The following PPP2R1B variants were observed in gnomAD, a reference collection of about 807,000 sequenced individuals.
PPP2R1B encodes the protein serine/threonine-protein phosphatase 2A 65 kDa regulatory subunit A beta isoform.
PPP2R1B carries 58 observed loss-of-function variants against 72.7 expected under a neutral mutation model. The observed-to-expected ratio is 0.80, with a 90% CI of 0.65 to 0.99. The LOEUF is 0.99. PPP2R1B is among the 50% of genes least tolerant of loss of function. The pLI, the probability that PPP2R1B is intolerant of heterozygous loss-of-function variation, is 0.00. For synonymous variants in PPP2R1B, 256 were observed against 264.6 expected, an observed-to-expected ratio of 0.97 and a Z score of 0.32; for missense variants, 695 against 733.6, an observed-to-expected ratio of 0.95 and a Z score of 0.61.
rs1944454604 is a variant in PPP2R1B, at chr11:111,739,644, A to G, written c.*1952T>C. 2.0e-6 allele frequency: 2 copies of G among 985,464 alleles called. No homozygotes were observed. Among genetic ancestry groups the G allele is most frequent in the South Asian group, 9.4e-5 (2 of 21,286 alleles). 61.0% of individuals were successfully genotyped at this position (985,464 alleles called of 1,614,324 possible). ...ATTTTAAAAGTCTGTCCCCAAAACAATGGCATTTCCAACCAGAGTAAAGCA... is the reference window on the plus strand; with the variant it reads ...ATTTTAAAAGTCTGTCCCCAAAACAGTGGCATTTCCAACCAGAGTAAAGCA... On this transcript the variant is annotated 3_prime_UTR_variant, in exon 15 of 15. Coordinates refer to ENST00000527614, the MANE Select transcript of PPP2R1B (RefSeq NM_002716.5).
rs954098068 is a variant in PPP2R1B at position 111,766,150 on chromosome 11, T to A, written c.114+98A>T. 3.4e-6 allele frequency: 4 copies of A among 1,175,762 alleles called. No individual in the cohort carries two copies. The African/African-American group carries it at 6.1e-5, about 18-fold the overall frequency. 72.8% of individuals were successfully genotyped at this position (1,175,762 alleles called of 1,614,324 possible). A position where few individuals can be genotyped will look rare whatever the true frequency, so the allele number is the denominator to read the frequency against. On this transcript the variant is annotated intron_variant, in intron 1 of 14. Coordinates refer to ENST00000527614, the MANE Select transcript of PPP2R1B (RefSeq NM_002716.5). ...AGTTTCTGCTACGAGTCCGACTCAT[T>A]CAGTACCTCGGCCACCCCCACCGCG...
chr11:111,723,789 T>C, downstream of PPP2R1B: 1 of 1,613,986 alleles, frequency 6.2e-7, no homozygotes, highest in Non-Finnish European at 8.5e-7. Flanking sequence ...GCTCCTCCTC[T>C]GCCCACGCAG....
At chr11:111,754,609 C>A in intron 7 of PPP2R1B, 40 bp from the exon 8 acceptor site, 1 of 1,581,398 alleles carries the variant, frequency 6.3e-7, no homozygotes, top group South Asian at 1.2e-5. Flanking sequence ...TTCACAGGGC[C>A]ATTTACAAAG....
chr11:111,716,771 G>A, the PPP2R1B span, among the ~76,000 whole-genome samples: 36,921 of 151,870 alleles, frequency 0.24, 4,690 homozygotes, highest in Middle Eastern at 0.31. Flanking sequence ...GGGTACTGCC[G>A]GGTATTTTGT....
intron 7 of PPP2R1B, 28 bp downstream of exon 7, chr11:111,754,950 CAT>C: frequency 6.5e-7 from 1 of 1,528,992 alleles, no homozygotes; most frequent in Non-Finnish European, 9.0e-7. Context: ...ATGAATGACA[CAT>C]GTTCCAACAT....
At chr11:111,751,748 C>T (rs907816347) in intron 10 of PPP2R1B, among the ~76,000 whole-genome samples, 23 of 152,164 alleles carry the variant, frequency 1.5e-4, no homozygotes, top group Admixed American at 3.9e-4. Flanking sequence ...GAGGCTGAGG[C>T]GGGTGAATCA....
At chr11:111,743,227 G>C in intron 12 of PPP2R1B, 149 bp downstream of exon 12, 1 of 863,270 alleles carries the variant, frequency 1.2e-6, no homozygotes, top group Admixed American at 3.2e-5. Flanking sequence ...TTTTAAAATT[G>C]ACATTTTCTC....
the PPP2R1B span, among the ~76,000 whole-genome samples, chr11:111,696,300 G>T: frequency 1.3e-5 from 2 of 152,178 alleles, no homozygotes; most frequent in Non-Finnish European, 2.9e-5. Flanking sequence ...ATTAATAGTA[G>T]TGAATCAGTG....
intron 11 of PPP2R1B, among the ~76,000 whole-genome samples, chr11:111,745,590 G>T (rs1944679310): frequency 1.3e-5 from 2 of 152,036 alleles, no homozygotes; most frequent in Non-Finnish European, 2.9e-5. Context: ...GTCTATTTCT[G>T]TCTCTTTCTC....
At chr11:111,737,105 G>A (rs570805233), downstream of PPP2R1B, among the ~76,000 whole-genome samples, 1 of 152,220 alleles carries the variant, frequency 6.6e-6, no homozygotes, top group Non-Finnish European at 1.5e-5. Flanking sequence ...TGAGGAAAGT[G>A]GGAACAGCCC....
the PPP2R1B span, among the ~76,000 whole-genome samples, chr11:111,706,786 C>G: frequency 1.3e-5 from 2 of 151,512 alleles, no homozygotes; most frequent in Non-Finnish European, 2.9e-5. Flanking sequence ...ATGGTGAAAC[C>G]CCGTCTCTAC....
chr11:111,723,507 A>G, downstream of PPP2R1B: 4 of 1,601,126 alleles, frequency 2.5e-6, no homozygotes, highest in Admixed American at 1.7e-5. Context: ...CTCCAGCAGA[A>G]GCGACTCTTT....
At chr11:111,766,065 C>A in intron 1 of PPP2R1B, 183 bp downstream of exon 1, 1 of 634,530 alleles carries the variant, frequency 1.6e-6, no homozygotes, top group Non-Finnish European at 2.8e-6. Context: ...AGAGAGGTAC[C>A]CGGGAGGGTC....
the PPP2R1B span, among the ~76,000 whole-genome samples, chr11:111,712,728 A>G: frequency 1.3e-5 from 2 of 152,264 alleles, no homozygotes; most frequent in Admixed American, 6.5e-5. Context: ...GCTGAAAACA[A>G]AAAAATTAAC....
chr11:111,731,403 T>C (rs1944188347), intron 15 of PPP2R1B, among the ~76,000 whole-genome samples: 1 of 152,190 alleles, frequency 6.6e-6, no homozygotes, highest in African/African-American at 2.4e-5. Context: ...GTGCATTCCC[T>C]CACATGGGCG....
At chr11:111,737,379 C>G, downstream of PPP2R1B, 3 of 1,610,122 alleles carry the variant, frequency 1.9e-6, no homozygotes, top group Non-Finnish European at 2.5e-6. Flanking sequence ...CAGCTCCCTG[C>G]ACACCATGCC....
At chr11:111,704,135 A>G in the PPP2R1B span, among the ~76,000 whole-genome samples, 1 of 152,238 alleles carries the variant, frequency 6.6e-6, no homozygotes, top group Non-Finnish European at 1.5e-5. Context: ...CCACGTAGCC[A>G]TAAGTGAAAC....
chr11:111,721,813 A>G, the PPP2R1B span: 2 of 1,581,166 alleles, frequency 1.3e-6, no homozygotes, highest in East Asian at 4.5e-5. Context: ...AATTGTTTCC[A>G]CCCCCTTGCT....
chr11:111,721,623 G>A, the PPP2R1B span, among the ~76,000 whole-genome samples: 1 of 152,170 alleles, frequency 6.6e-6, no homozygotes, highest in Admixed American at 6.5e-5. Flanking sequence ...GTACTGACTA[G>A]GTAATTGTTA....
Sources: allele counts gnomAD v4.1 joint callset (sites outside exome capture counted in the v4.1 genomes callset), GRCh38; gene constraint gnomAD v4.1.1; transcripts MANE v1.5; gene names NCBI Gene and HGNC (gene_info 2026-07-23, HGNC 2026-07-21).